RHEX: variants seen among roughly 807,000 people sequenced by gnomAD.
RHEX encodes regulator of hemoglobinization and erythroid cell expansion.
Under a neutral mutation model 20.1 loss-of-function variants are expected in RHEX, and 18 were observed. That is an observed-to-expected ratio of 0.90 (90% confidence interval 0.62 to 1.33). RHEX has a LOEUF of 1.33. RHEX is among the 40% of genes most tolerant of loss of function. RHEX has a pLI of 0.00. For missense variants in RHEX, 192 were observed against 214.3 expected, an observed-to-expected ratio of 0.90 and a Z score of 0.65; for synonymous variants, 87 against 77.1, an observed-to-expected ratio of 1.13 and a Z score of -0.67.
intron 1 of RHEX, among the ~76,000 whole-genome samples, chr1:206,064,637 C>T (rs1662384140): frequency 1.4e-5 from 2 of 147,942 alleles, no homozygotes; most frequent in Non-Finnish European, 1.5e-5. Context: ...CCGGCCGCCC[C>T]GTCCCGGGGG....
intron 1 of RHEX, among the ~76,000 whole-genome samples, chr1:206,081,409 A>C (rs967681222): frequency 3.3e-5 from 5 of 152,232 alleles, no homozygotes; most frequent in South Asian, 2.1e-4. Flanking sequence ...AGCAGAAAGG[A>C]TGCTGGAAAT....
intron 1 of RHEX, among the ~76,000 whole-genome samples, chr1:206,064,742 C>T (rs568754922): frequency 9.4e-4 from 141 of 149,908 alleles, no homozygotes; most frequent in Non-Finnish European, 1.3e-3. Flanking sequence ...AGTGAGGAGC[C>T]CCTCTGCCCG....
intron 1 of RHEX, among the ~76,000 whole-genome samples, chr1:206,063,458 A>G (rs1553283632): frequency 6.6e-6 from 1 of 152,040 alleles, no homozygotes; most frequent in Admixed American, 6.5e-5. Flanking sequence ...GCTGGACTAT[A>G]CTGCTGCCAT....
At chr1:206,082,302 T>C (rs1662754130) in intron 1 of RHEX, among the ~76,000 whole-genome samples, 2 of 152,048 alleles carry the variant, frequency 1.3e-5, no homozygotes. Context: ...TGAAGCACGA[T>C]GTCAGGAGTT....
chr1:206,093,545 A>G (rs1408211157), intron 1 of RHEX, among the ~76,000 whole-genome samples: 1 of 152,204 alleles, frequency 6.6e-6, no homozygotes, highest in African/African-American at 2.4e-5. Flanking sequence ...CTGGGATTAC[A>G]GGTGTGGGCT....
At chr1:206,099,889 C>T (rs1381266776) in intron 4 of RHEX, 91 bp downstream of exon 4, 31 of 1,238,636 alleles carry the variant, frequency 2.5e-5, no homozygotes, top group Non-Finnish European at 3.6e-5. Flanking sequence ...CCCATGGGCC[C>T]AAACCTCTAG....
chr1:206,074,893 C>G (rs1011986347), intron 1 of RHEX, among the ~76,000 whole-genome samples: 1 of 152,178 alleles, frequency 6.6e-6, no homozygotes, highest in Non-Finnish European at 1.5e-5. Context: ...TTTTTCTGCA[C>G]GTGCCCAGGT....
At chr1:206,091,612 T>C (rs568780474) in intron 1 of RHEX, among the ~76,000 whole-genome samples, 2 of 152,254 alleles carry the variant, frequency 1.3e-5, no homozygotes, top group South Asian at 4.1e-4. Flanking sequence ...CCTGACATGA[T>C]TGGGATTTAG....
At chr1:206,098,427 C>T (rs1663123212) in intron 3 of RHEX, 1 of 481,912 alleles carries the variant, frequency 2.1e-6, no homozygotes, top group South Asian at 2.9e-5. Context: ...CGTCTACTAC[C>T]CAGACCTTCT....
chr1:206,073,716 A>T (rs532503210), intron 1 of RHEX, among the ~76,000 whole-genome samples: 83 of 152,236 alleles, frequency 5.5e-4, no homozygotes, highest in African/African-American at 2.0e-3. Flanking sequence ...TCTGTGAGTC[A>T]CCCTGGAATT....
chr1:206,062,640 G>T (rs1230076690), intron 1 of RHEX, among the ~76,000 whole-genome samples: 2 of 146,624 alleles, frequency 1.4e-5, no homozygotes, highest in Non-Finnish European at 2.9e-5. Context: ...GGAGGCATAG[G>T]GGGGCTGCAG....
chr1:206,088,203 G>A (rs1414950078), intron 1 of RHEX, among the ~76,000 whole-genome samples: 2 of 152,092 alleles, frequency 1.3e-5, no homozygotes, highest in South Asian at 2.1e-4. Context: ...CTTTGAAAAT[G>A]ACAGAAAGTA....
At chr1:206,070,453 C>T (rs1662504527) in intron 1 of RHEX, among the ~76,000 whole-genome samples, 1 of 152,026 alleles carries the variant, frequency 6.6e-6, no homozygotes, top group Non-Finnish European at 1.5e-5. Flanking sequence ...TTCTGGAAGG[C>T]TCTGAACATC....
intron 1 of RHEX, among the ~76,000 whole-genome samples, chr1:206,081,288 A>T (rs1421809591): frequency 5.9e-5 from 9 of 152,234 alleles, no homozygotes; most frequent in Non-Finnish European, 1.0e-4. Context: ...GTACAGGCAC[A>T]ATCCCGGCTG....
intron 1 of RHEX, among the ~76,000 whole-genome samples, chr1:206,072,708 A>T (rs546366041): frequency 5.9e-5 from 9 of 152,284 alleles, no homozygotes. Flanking sequence ...CCCCTGAAAC[A>T]CCACAACTGG....
intron 1 of RHEX, among the ~76,000 whole-genome samples, chr1:206,097,107 G>A (rs1418613548): frequency 6.6e-6 from 1 of 152,146 alleles, no homozygotes; most frequent in Non-Finnish European, 1.5e-5. Context: ...TCATTGTGGA[G>A]TTTGCTGATC....
chr1:206,058,950 C>G (rs1319320239), intron 1 of RHEX, among the ~76,000 whole-genome samples: 1 of 152,140 alleles, frequency 6.6e-6, no homozygotes, highest in Non-Finnish European at 1.5e-5. Context: ...ATGACATCCT[C>G]CTTTGTTCTT....
At chr1:206,065,093 G>A (rs541793285) in intron 1 of RHEX, among the ~76,000 whole-genome samples, 2 of 152,006 alleles carry the variant, frequency 1.3e-5, no homozygotes, top group Admixed American at 1.3e-4. Context: ...CTCATTAAGA[G>A]TCATCACCAC....
In RHEX at chr1:206,098,109, A is replaced by G; in HGVS notation, c.40A>G (p.Ile14Val). 6.2e-7 allele frequency: 1 copy of G among 1,614,020 alleles called. No individual in the cohort carries two copies. Among genetic ancestry groups the G allele is most frequent in the East Asian group, 2.2e-5 (1 of 44,884 alleles). ...CATGGAGGTCTGGCATGGCTTAGTG[A>G]TCGCGGTGGTGTCCCTCTTCCTGCA... is the stretch of plus-strand genomic sequence containing the variant. Reference protein sequence around the residue: ...EVMEVWHGLVIAVVSLFLQAC... With the variant: ...EVMEVWHGLVVAVVSLFLQAC... Residue 14 changes from isoleucine (I) to valine (V), a missense_variant, in exon 3 of 6, where the codon ATC becomes GTC. Physicochemically the swap from Ile to Val is conservative, Grantham distance 29. Coordinates refer to ENST00000331555, the MANE Select transcript of RHEX (RefSeq NM_001007544.4).
Sources: gnomAD v4.1 joint callset for allele counts (sites outside exome capture counted in the v4.1 genomes callset) on GRCh38, gnomAD v4.1.1 for gene constraint, MANE v1.5 for transcripts, NCBI Gene and HGNC (gene_info 2026-07-23, HGNC 2026-07-21) for gene names.